The following VIT variants were observed in gnomAD, a reference collection of about 807,000 sequenced individuals.
VIT encodes the protein vitrin.
A neutral mutation model predicts 78.0 loss-of-function variants in VIT; 99 were observed. The ratio of observed to expected loss-of-function variants is 1.27; its 90% CI spans 1.08 to 1.50. The LOEUF is 1.50. VIT is among the 40% of genes most tolerant of loss of function. The pLI, the probability that VIT is intolerant of heterozygous loss-of-function variation, is 0.00. For synonymous variants in VIT, 374 were observed against 334.3 expected (o/e 1.12, Z -1.29); for missense variants, 1,126 against 875.3 (o/e 1.29, Z -3.61).
Position 36,809,052 on chromosome 2 carries a change from C to G in VIT, c.1903+67C>G, listed in dbSNP as rs1372647007. 6.6e-6 allele frequency: 10 copies of G among 1,510,970 alleles called. No homozygotes were observed. The South Asian group carries it at 8.1e-5, about 12-fold the overall frequency. 93.6% of individuals were successfully genotyped at this position (1,510,970 alleles called of 1,614,324 possible). On this transcript the variant is annotated intron_variant, in intron 15 of 15. Transcript: ENST00000379242. ...TCTGGGGCTTGGTGGGCCAGTGGGA[C>G]AAGGAAGGTATTGTCTTTTTATGCA... is the stretch of plus-strand genomic sequence containing the variant.
intron 9 of VIT, among the ~76,000 whole-genome samples, chr2:36,781,330 C>T (rs1214073832): frequency 1.3e-5 from 2 of 152,196 alleles, no homozygotes; most frequent in Non-Finnish European, 2.9e-5. Flanking sequence ...GAATCTACTA[C>T]TTTGGTTGAA....
intron 12 of VIT, among the ~76,000 whole-genome samples, chr2:36,794,379 C>G (rs1165116166): frequency 1.3e-5 from 2 of 152,086 alleles, no homozygotes; most frequent in African/African-American, 4.8e-5. Flanking sequence ...AATAAAATTA[C>G]AAATTAAAAG....
chr2:36,779,990 A>G (rs916861777), intron 9 of VIT, among the ~76,000 whole-genome samples: 2 of 152,302 alleles, frequency 1.3e-5, no homozygotes, highest in Non-Finnish European at 2.9e-5. Context: ...TTGACCCAGG[A>G]TGGGCTTCTG....
Position 36,804,536 on chromosome 2 carries a change from G to A in VIT, c.1163-902G>A, listed in dbSNP as rs555071919. Among the ~76,000 whole-genome samples the A allele has an allele frequency of 2.3e-4, 35 of 152,312 alleles. 1 individual carries two copies. Among genetic ancestry groups the A allele is most frequent in the South Asian group, 1.0e-3 (5 of 4,824 alleles). ...CAGCAGAAAAGGGGCACTTCTGTTCGCATGAAAGTCTTTGGCCAGGCACGG... is the reference window on the plus strand; with the variant it reads ...CAGCAGAAAAGGGGCACTTCTGTTCACATGAAAGTCTTTGGCCAGGCACGG... On this transcript the variant is annotated intron_variant, in intron 13 of 15. Coordinates refer to ENST00000379242, the MANE Select transcript of VIT (RefSeq NM_053276.4).
intron 6 of VIT, among the ~76,000 whole-genome samples, chr2:36,761,600 C>T (rs181220537): frequency 4.8e-4 from 73 of 152,128 alleles, no homozygotes; most frequent in African/African-American, 1.6e-3. Flanking sequence ...ATTAGCTGGG[C>T]GTGGTGACAC....
At chr2:36,795,963 A>G (rs964340809) in intron 12 of VIT, among the ~76,000 whole-genome samples, 5 of 152,320 alleles carry the variant, frequency 3.3e-5, no homozygotes, top group African/African-American at 1.2e-4. Flanking sequence ...TTAATGAATC[A>G]ATAATTTGGT....
chr2:36,781,878 C>T (rs57674353), intron 10 of VIT, 107 bp downstream of exon 10: 4 of 1,327,088 alleles, frequency 3.0e-6, no homozygotes, highest in Non-Finnish European at 4.3e-6. Flanking sequence ...CTCCACTAGC[C>T]TAGGATTTCT....
intron 13 of VIT, among the ~76,000 whole-genome samples, chr2:36,801,732 C>A (rs926536278): frequency 6.7e-6 from 1 of 149,990 alleles, no homozygotes; most frequent in Admixed American, 6.7e-5. Flanking sequence ...GCCAAGATGG[C>A]GCCACTGCAC....
At chr2:36,773,575 T>G (rs1474956337) in intron 7 of VIT, among the ~76,000 whole-genome samples, 1 of 151,900 alleles carries the variant, frequency 6.6e-6, no homozygotes, top group Non-Finnish European at 1.5e-5. Context: ...ACTAAAAATA[T>G]AAAAAATTAG....
chr2:36,800,348 A>G (rs1021434986), intron 12 of VIT, among the ~76,000 whole-genome samples: 2 of 152,190 alleles, frequency 1.3e-5, no homozygotes, highest in African/African-American at 4.8e-5. Context: ...CCGTGTTAAA[A>G]AAGAAAGAAA....
chr2:36,739,097 C>A (rs1667677144), intron 3 of VIT, among the ~76,000 whole-genome samples: 1 of 152,088 alleles, frequency 6.6e-6, no homozygotes, highest in African/African-American at 2.4e-5. Context: ...AGTTGAATAT[C>A]ACAGTGCAAC....
intron 15 of VIT, among the ~76,000 whole-genome samples, chr2:36,810,508 AATAATAAT>A (rs1274565730): frequency 2.6e-5 from 4 of 152,334 alleles, no homozygotes; most frequent in Admixed American, 6.5e-5. Flanking sequence ...CCCAAGTGAT[AATAATAAT>A]ACTACTACTA....
At chr2:36,785,772 C>T (rs1365637256) in intron 11 of VIT, among the ~76,000 whole-genome samples, 1 of 152,202 alleles carries the variant, frequency 6.6e-6, no homozygotes, top group African/African-American at 2.4e-5. Flanking sequence ...TCTCCTACTT[C>T]CCTGGTTTTG....
intron 3 of VIT, among the ~76,000 whole-genome samples, chr2:36,732,920 A>G (rs748601910): frequency 6.6e-6 from 1 of 152,210 alleles, no homozygotes; most frequent in South Asian, 2.1e-4. Flanking sequence ...AATAAGCAGA[A>G]AGAACACATC....
chr2:36,802,403 CA>C (rs1666396957), intron 13 of VIT, among the ~76,000 whole-genome samples: 1 of 152,188 alleles, frequency 6.6e-6, no homozygotes, highest in Non-Finnish European at 1.5e-5. Context: ...GCTTAGAGTA[CA>C]TGCAGGGAAT....
intron 12 of VIT, among the ~76,000 whole-genome samples, chr2:36,791,697 C>A (rs1665515278): frequency 1.3e-5 from 2 of 152,316 alleles, no homozygotes; most frequent in South Asian, 4.1e-4. Context: ...CAGGCATCCT[C>A]TAGAAGCTGG....
At chr2:36,813,137 G>T (rs570087910) in intron 15 of VIT, among the ~76,000 whole-genome samples, 2 of 146,682 alleles carry the variant, frequency 1.4e-5, no homozygotes, top group Non-Finnish European at 3.0e-5. Flanking sequence ...ACCGCACCCA[G>T]CCTGTTTTTG....
chr2:36,795,125 C>T (rs536892224), intron 12 of VIT, among the ~76,000 whole-genome samples: 16 of 152,268 alleles, frequency 1.1e-4, no homozygotes, highest in Admixed American at 7.2e-4. Context: ...GAGAAAGTGC[C>T]TGTTCTCAAG....
intron 12 of VIT, among the ~76,000 whole-genome samples, chr2:36,794,889 C>T (rs1339912686): frequency 6.6e-6 from 1 of 152,042 alleles, no homozygotes; most frequent in East Asian, 1.9e-4. Context: ...CCTATTCATT[C>T]ATTATATGAG....
Sources: gnomAD v4.1 joint callset for allele counts (sites outside exome capture counted in the v4.1 genomes callset) on GRCh38, gnomAD v4.1.1 for gene constraint, MANE v1.5 for transcripts, NCBI Gene and HGNC (gene_info 2026-07-23, HGNC 2026-07-21) for gene names.